The following GABRG3 variants were observed in gnomAD, a reference collection of about 807,000 sequenced individuals.
The protein encoded by GABRG3 is gamma-aminobutyric acid type A receptor subunit gamma3, also known as gamma-aminobutyric acid receptor subunit gamma-3.
Under a neutral mutation model 48.8 loss-of-function variants are expected in GABRG3, and 25 were observed. The observed-to-expected ratio is 0.51, with a 90% CI of 0.37 to 0.72. The LOEUF (loss-of-function observed/expected upper bound fraction) is 0.72. Ranked by LOEUF, GABRG3 falls within the 30% of genes least tolerant of loss-of-function variation. The pLI, the probability that GABRG3 is intolerant of heterozygous loss-of-function variation, is 0.00. For missense variants in GABRG3, 394 were observed against 577.9 expected (o/e 0.68, Z 3.26); for synonymous variants, 227 against 217.6 (o/e 1.04, Z -0.38).
At chr15:27,274,889 C>G (rs116658739) in intron 3 of GABRG3, among the ~76,000 whole-genome samples, 356 of 152,248 alleles carry the variant, frequency 2.3e-3, no homozygotes, top group African/African-American at 7.7e-3. Context: ...AAGGCACCAC[C>G]TTATGAGAGA....
At chr15:27,204,711 T>C (rs562890587) in intron 3 of GABRG3, among the ~76,000 whole-genome samples, 1 of 152,316 alleles carries the variant, frequency 6.6e-6, no homozygotes, top group South Asian at 2.1e-4. Flanking sequence ...ATCTCTGATT[T>C]CTTTCACCAG....
intron 3 of GABRG3, among the ~76,000 whole-genome samples, chr15:27,324,833 C>T (rs1445492864): frequency 6.6e-6 from 1 of 152,226 alleles, no homozygotes; most frequent in Non-Finnish European, 1.5e-5. Context: ...GAGCCTTTCT[C>T]TCTGAAGTAT....
At chr15:27,522,034 G>A (rs532568491) in intron 7 of GABRG3, among the ~76,000 whole-genome samples, 1 of 152,034 alleles carries the variant, frequency 6.6e-6, no homozygotes, top group Admixed American at 6.5e-5. Context: ...AGCTTAGTGA[G>A]ATACAAGTAA....
chr15:27,469,947 G>A (rs992462231), intron 5 of GABRG3, among the ~76,000 whole-genome samples: 1 of 152,134 alleles, frequency 6.6e-6, no homozygotes, highest in African/African-American at 2.4e-5. Context: ...CTCTTCAGTG[G>A]GTAACAGCCT....
chr15:27,021,865 CA>C (rs1288040155), intron 2 of GABRG3, among the ~76,000 whole-genome samples: 1 of 152,072 alleles, frequency 6.6e-6, no homozygotes, highest in Non-Finnish European at 1.5e-5. Context: ...TAATAAAATA[CA>C]ATAAGTTTAA....
rs958080084 is a variant in GABRG3 at position 27,179,893 on chromosome 15, G to A, written c.271-146916G>A. On this transcript the variant is annotated intron_variant, in intron 3 of 9. Coordinates refer to ENST00000615808, the MANE Select transcript of GABRG3 (RefSeq NM_033223.5). The surrounding 1 kb of genome is among the most constrained non-coding windows in gnomAD (Gnocchi z 4.0). ...TGCATAAAATAAGCTGAATGTTTGT[G>A]CCCTGTTACCAGATTGTTCTCTTGA... 1.3e-5 allele frequency among the ~76,000 whole-genome samples: 2 copies of A among 152,192 alleles called. No individual in the cohort carries two copies. The highest frequency in any genetic ancestry group is 2.1e-4 in the South Asian group (1 of 4,834).
chr15:27,387,939 GGAGGGAAA>G (rs1566817284), intron 5 of GABRG3, among the ~76,000 whole-genome samples: 3 of 68,764 alleles, frequency 4.4e-5, no homozygotes, highest in South Asian at 8.7e-4. Context: ...AGGGAGGGAA[GGAGGGAAA>G]GAGGGAGGGA....
chr15:27,529,889 T>TA (rs539243697), intron 9 of GABRG3, among the ~76,000 whole-genome samples: 1,380 of 116,604 alleles, frequency 0.012, 8 homozygotes, highest in South Asian at 0.043. Context: ...AGCAGAAAAT[T>TA]AAAAAAAAAA....
At chr15:27,448,496 G>A (rs1054119052) in intron 5 of GABRG3, among the ~76,000 whole-genome samples, 14 of 152,288 alleles carry the variant, frequency 9.2e-5, no homozygotes, top group Non-Finnish European at 1.5e-4. Flanking sequence ...GCACACTTAC[G>A]TGGCACTGGG....
chr15:27,137,426 A>G (rs934345074), intron 3 of GABRG3, among the ~76,000 whole-genome samples: 1 of 152,228 alleles, frequency 6.6e-6, no homozygotes, highest in Non-Finnish European at 1.5e-5. Context: ...CAAGAGAAGC[A>G]GTTGATGAAA....
chr15:27,468,501 G>C (rs968149685), intron 5 of GABRG3, among the ~76,000 whole-genome samples: 1 of 152,074 alleles, frequency 6.6e-6, no homozygotes, highest in African/African-American at 2.4e-5. Context: ...GGATCCAGTT[G>C]GTCTTAGCCA....
At chr15:27,511,799 A>C (rs1233040417) in intron 6 of GABRG3, among the ~76,000 whole-genome samples, 1 of 152,256 alleles carries the variant, frequency 6.6e-6, no homozygotes, top group Non-Finnish European at 1.5e-5. Context: ...CACTGTTCAT[A>C]GATCCATTGT....
chr15:27,394,816 T>G (rs1047601464), intron 5 of GABRG3, among the ~76,000 whole-genome samples: 3 of 152,204 alleles, frequency 2.0e-5, no homozygotes, highest in Admixed American at 6.5e-5. Context: ...ACAAGTCAGC[T>G]TTTGATCTTG....
chr15:27,254,447 C>T (rs189329320), intron 3 of GABRG3, among the ~76,000 whole-genome samples: 1 of 152,008 alleles, frequency 6.6e-6, no homozygotes, highest in Admixed American at 6.6e-5. Flanking sequence ...TCTGTGGTTG[C>T]TTGTCTTAGT....
At chr15:27,331,177 C>T (rs1163343095) in intron 5 of GABRG3, among the ~76,000 whole-genome samples, 1 of 152,136 alleles carries the variant, frequency 6.6e-6, no homozygotes, top group Non-Finnish European at 1.5e-5. Context: ...TGGAAGACAC[C>T]TGGGTCGTCT....
chr15:27,029,968 A>G (rs1441984587), intron 3 of GABRG3, among the ~76,000 whole-genome samples: 1 of 152,240 alleles, frequency 6.6e-6, no homozygotes, highest in Admixed American at 6.5e-5. Flanking sequence ...AAACGACGCA[A>G]TTTTAAAAGA....
At position 27,495,047 on chromosome 15, in the gene GABRG3, A is replaced by G. The variant is rs575270486; in HGVS notation, c.712+14260A>G. Among the ~76,000 whole-genome samples the G allele has an allele frequency of 8.5e-5, 13 of 152,288 alleles. No homozygotes were observed. In the South Asian group the frequency reaches 2.1e-3, roughly 24 times the overall value. On this transcript the variant is annotated intron_variant, in intron 6 of 9. Transcript: ENST00000615808. ...GTCTTTTATTTCACACTCTACTAGT[A>G]TGGACATTTTATCAGTTTAATTGTA... is the stretch of plus-strand genomic sequence containing the variant.
At chr15:27,060,268 C>T (rs1454419144) in intron 3 of GABRG3, among the ~76,000 whole-genome samples, 1 of 152,188 alleles carries the variant, frequency 6.6e-6, no homozygotes, top group Non-Finnish European at 1.5e-5. Context: ...TGGGGTGGCA[C>T]CTATTTGAAT....
At chr15:27,360,708 A>G (rs1464666057) in intron 5 of GABRG3, among the ~76,000 whole-genome samples, 1 of 152,140 alleles carries the variant, frequency 6.6e-6, no homozygotes, top group Non-Finnish European at 1.5e-5. Context: ...TAAGATCTGC[A>G]AGGGCAGCCC....
Sources: allele counts gnomAD v4.1 joint callset (sites outside exome capture counted in the v4.1 genomes callset), GRCh38; gene constraint gnomAD v4.1.1; non-coding constraint Gnocchi (gnomAD v3.1); transcripts MANE v1.5; gene names NCBI Gene and HGNC (gene_info 2026-07-23, HGNC 2026-07-21).